The following AVEN variants were observed in gnomAD, a reference collection of about 807,000 sequenced individuals.
AVEN encodes the protein cell death regulator Aven.
AVEN carries 41 observed loss-of-function variants against 38.1 expected under a neutral mutation model. That is an observed-to-expected ratio of 1.08 (90% CI 0.84 to 1.40). The LOEUF (loss-of-function observed/expected upper bound fraction) is 1.40, where lower values mean the gene tolerates loss of function less well. Among genes scored for constraint, AVEN ranks in the 40% most tolerant of loss-of-function variants. AVEN has a pLI of 0.00. For synonymous variants in AVEN, 206 were observed against 171.8 expected, an observed-to-expected ratio of 1.20 and a Z score of -1.56; for missense variants, 605 against 438.8, an observed-to-expected ratio of 1.38 and a Z score of -3.38.
At chr15:33,910,520 T>C (rs780927937) in intron 2 of AVEN, among the ~76,000 whole-genome samples, 5 of 152,230 alleles carry the variant, frequency 3.3e-5, no homozygotes, top group Non-Finnish European at 7.3e-5. Flanking sequence ...GTAATTATCC[T>C]ATAGCCAAAG....
intron 2 of AVEN, among the ~76,000 whole-genome samples, chr15:33,907,168 C>G (rs1892738725): frequency 6.6e-6 from 1 of 152,146 alleles, no homozygotes; most frequent in Non-Finnish European, 1.5e-5. Context: ...CAAATATCAG[C>G]AGGATAGACC....
chr15:33,913,656 G>A lies in AVEN; in HGVS notation c.446-37661C>T, dbSNP rs1012621212. Among the ~76,000 whole-genome samples the A allele has an allele frequency of 3.3e-5, 5 of 152,126 alleles. No homozygotes were observed. In the East Asian group the frequency reaches 5.8e-4, roughly 18 times the overall value. ...AGTCATTGAAGTTTGTACATTTCCT[G>A]TAAAACTGAAAACCAGCCCTCTGAG... On this transcript the variant is annotated intron_variant, in intron 2 of 5. Coordinates refer to ENST00000306730, the MANE Select transcript of AVEN (RefSeq NM_020371.3).
At chr15:33,857,534 C>G (rs182702947), downstream of AVEN, among the ~76,000 whole-genome samples, 306 of 152,214 alleles carry the variant, frequency 2.0e-3, 1 homozygote, top group Non-Finnish European at 3.4e-3. Context: ...TGAAGGGACA[C>G]AATTCAGCCC....
intron 2 of AVEN, among the ~76,000 whole-genome samples, chr15:33,891,342 C>A (rs143472563): frequency 0.057 from 8,622 of 152,144 alleles, 758 homozygotes; most frequent in African/African-American, 0.19. Context: ...ATTAACTCGT[C>A]ATTTACATTA....
intron 2 of AVEN, among the ~76,000 whole-genome samples, chr15:33,917,274 T>C (rs531869019): frequency 7.2e-5 from 11 of 151,836 alleles, no homozygotes; most frequent in African/African-American, 2.7e-4. Flanking sequence ...CATACGTTTG[T>C]AGCAGCACAA....
intron 3 of AVEN, among the ~76,000 whole-genome samples, chr15:33,872,340 A>G (rs10152575): frequency 0.035 from 5,261 of 152,308 alleles, 291 homozygotes; most frequent in African/African-American, 0.11. Context: ...TTAGTAAGAA[A>G]AGAACCCGCT....
intron 2 of AVEN, among the ~76,000 whole-genome samples, chr15:33,981,005 T>A (rs987211760): frequency 6.6e-6 from 1 of 152,172 alleles, no homozygotes; most frequent in East Asian, 1.9e-4. Context: ...ATAGAGATCA[T>A]CAAATTGAAA....
At chr15:33,884,748 G>GA (rs200970207) in intron 2 of AVEN, among the ~76,000 whole-genome samples, 2,347 of 152,240 alleles carry the variant, frequency 0.015, 28 homozygotes, top group Middle Eastern at 0.037. Flanking sequence ...AGATTACAAG[G>GA]AACAATCTTT....
intron 1 of AVEN, among the ~76,000 whole-genome samples, chr15:34,026,569 T>C (rs747232047): frequency 2.4e-4 from 36 of 151,890 alleles, no homozygotes; most frequent in South Asian, 6.2e-4. Context: ...TAGTAAAAAA[T>C]ATAAACTATA....
downstream of AVEN, chr15:33,864,329 C>G (rs1172583309): frequency 3.1e-6 from 2 of 645,076 alleles, no homozygotes; most frequent in Admixed American, 2.8e-5. Context: ...TTTTGTGACT[C>G]AATAAGAAGC....
intron 1 of AVEN, among the ~76,000 whole-genome samples, chr15:34,021,577 G>A (rs55805034): frequency 0.48 from 72,517 of 152,082 alleles, 20,686 homozygotes; most frequent in Non-Finnish European, 0.64. Flanking sequence ...ACACATGGCC[G>A]TGTAAGGTGG....
At chr15:33,853,543 C>T in the AVEN span, 36 of 1,612,642 alleles carry the variant, frequency 2.2e-5, no homozygotes, top group Admixed American at 4.2e-4. Context: ...ACCCTGTCAT[C>T]CTTTGCTTCA....
intron 1 of AVEN, among the ~76,000 whole-genome samples, chr15:34,011,038 G>A (rs963019872): frequency 6.6e-6 from 1 of 152,094 alleles, no homozygotes; most frequent in Non-Finnish European, 1.5e-5. Context: ...TTTGAAAAGT[G>A]TGCTAGGGCC....
intron 1 of AVEN, chr15:34,006,926 G>T: frequency 2.8e-6 from 1 of 360,884 alleles, no homozygotes; most frequent in Non-Finnish European, 3.9e-6. Context: ...TGGAGAAAAA[G>T]AACAGAGCAA....
Position 33,870,946 on chromosome 15 carries a change from CG to C in AVEN, c.600del (p.Glu201AsnfsTer9). On this transcript the variant is annotated frameshift_variant, in exon 4 of 6. Coordinates refer to ENST00000306730, the MANE Select transcript of AVEN (RefSeq NM_020371.3). LOFTEE classifies it high-confidence loss of function. ...TTCGGGATTTTTACCTGGACCAGTTCGGCAGCAACGTTGAGTCGGAGGCAGA... is the reference window on the plus strand; with the variant it reads ...TTCGGGATTTTTACCTGGACCAGTTCGCAGCAACGTTGAGTCGGAGGCAGA... The part of the protein sequence containing the change: ...LPLCLRLNVA[A>X]ELVQGTVPLE... 3.7e-6 allele frequency: 6 copies of C among 1,610,888 alleles called. No individual in the cohort carries two copies. Among genetic ancestry groups the C allele is most frequent in the Non-Finnish European group, 5.1e-6 (6 of 1,178,062 alleles).
At chr15:34,008,483 C>CTTTTTTTTT (rs200355232) in intron 1 of AVEN, among the ~76,000 whole-genome samples, 1 of 119,232 alleles carries the variant, frequency 8.4e-6, no homozygotes, top group African/African-American at 4.4e-5. Flanking sequence ...GATGAAAAAC[C>CTTTTTTTTT]TTTTTTTTTT....
intron 2 of AVEN, among the ~76,000 whole-genome samples, chr15:33,914,649 C>T (rs1893053184): frequency 1.3e-5 from 2 of 150,344 alleles, no homozygotes; most frequent in African/African-American, 4.9e-5. Flanking sequence ...ATTGATACTG[C>T]TGAGTGACAA....
intron 2 of AVEN, among the ~76,000 whole-genome samples, chr15:33,953,322 C>T (rs1221826397): frequency 7.9e-5 from 12 of 151,798 alleles, no homozygotes; most frequent in Non-Finnish European, 1.5e-5. Context: ...AAAGAGCCCA[C>T]ATTGCCAAGA....
intron 2 of AVEN, among the ~76,000 whole-genome samples, chr15:33,886,300 G>C (rs1261209928): frequency 6.6e-6 from 1 of 152,044 alleles, no homozygotes; most frequent in African/African-American, 2.4e-5. Flanking sequence ...GTTCTGACAA[G>C]ATTTGATGGT....
Sources: gnomAD v4.1 joint callset for allele counts (sites outside exome capture counted in the v4.1 genomes callset) on GRCh38, gnomAD v4.1.1 for gene constraint, MANE v1.5 for transcripts, NCBI Gene and HGNC (gene_info 2026-07-23, HGNC 2026-07-21) for gene names.